MBTD1: variants seen among roughly 807,000 people sequenced by gnomAD.
The protein encoded by MBTD1 is MBT domain-containing protein 1.
In MBTD1, 24 loss-of-function variants were observed where a neutral mutation model predicts 87.8. That is an observed-to-expected ratio of 0.27 (90% CI 0.20 to 0.38). The LOEUF (loss-of-function observed/expected upper bound fraction) is 0.38. Among genes scored for constraint, MBTD1 ranks in the 10% least tolerant of loss-of-function variants. MBTD1 has a pLI of 1.00. For synonymous variants in MBTD1, 237 were observed against 248.6 expected (o/e 0.95, Z 0.44); for missense variants, 436 against 760.2 (o/e 0.57, Z 5.02).
chr17:51,212,035 AG>A (rs2052256969), intron 6 of MBTD1, among the ~76,000 whole-genome samples: 1 of 152,208 alleles, frequency 6.6e-6, no homozygotes, highest in East Asian at 1.9e-4. Context: ...ATGTCACGTA[AG>A]TAACAAGAGG....
At chr17:51,224,856 A>G (rs527985446) in intron 3 of MBTD1, among the ~76,000 whole-genome samples, 152 bp downstream of exon 3, 12 of 152,348 alleles carry the variant, frequency 7.9e-5, no homozygotes, top group African/African-American at 2.9e-4. Flanking sequence ...AGAGTTAAAC[A>G]CCAACTCAGT....
chr17:51,233,866 G>A (rs1306054784), intron 2 of MBTD1, among the ~76,000 whole-genome samples: 1 of 151,958 alleles, frequency 6.6e-6, no homozygotes, highest in Non-Finnish European at 1.5e-5. Context: ...AATATCAGTG[G>A]ACTTCTCAAC....
intron 2 of MBTD1, among the ~76,000 whole-genome samples, chr17:51,244,250 GA>G (rs1192049590): frequency 1.3e-5 from 2 of 152,158 alleles, no homozygotes; most frequent in African/African-American, 4.8e-5. Context: ...CAGTCAGCAA[GA>G]AATCCTGTCA....
intron 3 of MBTD1, among the ~76,000 whole-genome samples, chr17:51,220,947 G>A (rs957623875): frequency 1.3e-5 from 2 of 152,160 alleles, no homozygotes; most frequent in Non-Finnish European, 2.9e-5. Flanking sequence ...AGAGCTGTAT[G>A]AGGATTCCTT....
intron 16 of MBTD1, chr17:51,183,439 G>A (rs1438833218): frequency 6.7e-6 from 1 of 150,104 alleles, no homozygotes; most frequent in African/African-American, 2.5e-5. Flanking sequence ...TTCCCCACAT[G>A]GGATAACCTC....
chr17:51,200,960 C>A (rs1236393548), intron 12 of MBTD1, among the ~76,000 whole-genome samples: 1 of 151,878 alleles, frequency 6.6e-6, no homozygotes, highest in Non-Finnish European at 1.5e-5. Context: ...CCAGCCTGGG[C>A]AACCTAGGGA....
chr17:51,258,132 G>A (rs1028760647), intron 2 of MBTD1, among the ~76,000 whole-genome samples: 10 of 152,144 alleles, frequency 6.6e-5, no homozygotes, highest in African/African-American at 2.4e-4. Flanking sequence ...GTTATAAGAG[G>A]AGGAGAGAAA....
chr17:51,233,561 A>G (rs2053660966), intron 2 of MBTD1, among the ~76,000 whole-genome samples: 1 of 152,156 alleles, frequency 6.6e-6, no homozygotes, highest in Non-Finnish European at 1.5e-5. Flanking sequence ...ACAAAAAGCT[A>G]GGCAACAAGA....
chr17:51,222,757 G>C (rs571736587), intron 3 of MBTD1, among the ~76,000 whole-genome samples: 14 of 152,126 alleles, frequency 9.2e-5, no homozygotes, highest in African/African-American at 3.4e-4. Context: ...GATAAATGAA[G>C]TTTTTTGATA....
At chr17:51,258,303 T>TA (rs2055212145) in intron 2 of MBTD1, among the ~76,000 whole-genome samples, 1 of 152,158 alleles carries the variant, frequency 6.6e-6, no homozygotes, top group Non-Finnish European at 1.5e-5. Flanking sequence ...CTTAGGCCAA[T>TA]AAAACTACTT....
At chr17:51,207,307 G>C (rs1398315026) in intron 6 of MBTD1, among the ~76,000 whole-genome samples, 1 of 152,138 alleles carries the variant, frequency 6.6e-6, no homozygotes, top group Non-Finnish European at 1.5e-5. Flanking sequence ...GATTTAATAG[G>C]ATTAAACTGA....
At position 51,206,024 on chromosome 17, in the gene MBTD1, ATAT is replaced by A; in HGVS notation, c.604+861_604+863del. On this transcript the variant is annotated intron_variant, in intron 7 of 16. Transcript: ENST00000586178. ...TACACTACTCACTGAGTATCTTGTC[ATAT>A]TAATACCTGGTAGTAGTCAACATTT... Among the ~76,000 whole-genome samples the A allele has an allele frequency of 1.3e-5, 2 of 152,270 alleles. 1 individual carries two copies. Among genetic ancestry groups the A allele is most frequent in the South Asian group, 4.2e-4 (2 of 4,816 alleles).
chr17:51,259,255 G>T (rs1207948601), intron 1 of MBTD1, 49 bp from the exon 2 acceptor site: 8 of 1,231,736 alleles, frequency 6.5e-6, no homozygotes, highest in Non-Finnish European at 8.1e-6. Flanking sequence ...AATGGTCACA[G>T]AAGTCCACCG....
chr17:51,220,057 T>A (rs906622621), intron 4 of MBTD1, among the ~76,000 whole-genome samples: 1 of 152,222 alleles, frequency 6.6e-6, no homozygotes, highest in Non-Finnish European at 1.5e-5. Context: ...TTTCTGTATA[T>A]AAAAAAGTGT....
intron 2 of MBTD1, among the ~76,000 whole-genome samples, chr17:51,227,931 G>A (rs904038189): frequency 6.8e-6 from 1 of 147,732 alleles, no homozygotes; most frequent in Non-Finnish European, 1.5e-5. Flanking sequence ...CAGCCTGGGC[G>A]ACAGAGCAAG....
At chr17:51,207,357 A>G (rs1313145858) in intron 6 of MBTD1, among the ~76,000 whole-genome samples, 1 of 152,204 alleles carries the variant, frequency 6.6e-6, no homozygotes, top group Non-Finnish European at 1.5e-5. Context: ...AATACACTTC[A>G]CCCTAATTTC....
At chr17:51,199,900 C>A (rs2051363835) in intron 12 of MBTD1, among the ~76,000 whole-genome samples, 3 of 151,972 alleles carry the variant, frequency 2.0e-5, no homozygotes, top group Non-Finnish European at 1.5e-5. Context: ...TCTTGGCTCA[C>A]TGCAACCTCC....
In MBTD1 at chr17:51,249,185, G is replaced by A. The variant is rs540866093; in HGVS notation, c.-49+9958C>T. ...TGAGGTGGGAGGATCACCTGAGGCA[G>A]GGAGGTCAAGGCTGCAGTGAGCCGT... is the stretch of plus-strand genomic sequence containing the variant. On this transcript the variant is annotated intron_variant, in intron 2 of 16. Transcript: ENST00000586178. Among the ~76,000 whole-genome samples the A allele has an allele frequency of 3.3e-5, 5 of 152,264 alleles. No homozygotes were observed. In the East Asian group the frequency reaches 5.8e-4, roughly 18 times the overall value.
intron 3 of MBTD1, among the ~76,000 whole-genome samples, chr17:51,221,808 TACC>T (rs1300524959): frequency 1.3e-5 from 2 of 152,218 alleles, no homozygotes; most frequent in African/African-American, 2.4e-5. Flanking sequence ...TATATGTAAA[TACC>T]ACATCATTTT....
Sources: allele counts gnomAD v4.1 joint callset (sites outside exome capture counted in the v4.1 genomes callset), GRCh38; gene constraint gnomAD v4.1.1; transcripts MANE v1.5; gene names NCBI Gene and HGNC (gene_info 2026-07-23, HGNC 2026-07-21).